FAM120B: variants seen among roughly 807,000 people sequenced by gnomAD.
FAM120B encodes the protein constitutive coactivator of peroxisome proliferator-activated receptor gamma.
Under a neutral mutation model 96.3 loss-of-function variants are expected in FAM120B, and 83 were observed. That is an observed-to-expected ratio of 0.86 (90% confidence interval 0.72 to 1.03). The LOEUF (loss-of-function observed/expected upper bound fraction) is 1.03, where lower values mean the gene tolerates loss of function less well. Ranked by LOEUF, FAM120B falls within the 50% of genes least tolerant of loss-of-function variation. FAM120B has a pLI of 0.00. For missense variants in FAM120B, 1,027 were observed against 1,121.2 expected (o/e 0.92, Z 1.20); for synonymous variants, 407 against 402.7 (o/e 1.01, Z -0.13).
chr6:170,403,333 A>G (rs1359105950), intron 9 of FAM120B, among the ~76,000 whole-genome samples: 1 of 152,116 alleles, frequency 6.6e-6, no homozygotes, highest in Non-Finnish European at 1.5e-5. Context: ...GGGGCAGCAC[A>G]TTTCTCCTGG....
chr6:170,314,792 G>A (rs1229113537), intron 1 of FAM120B, among the ~76,000 whole-genome samples: 1 of 152,204 alleles, frequency 6.6e-6, no homozygotes, highest in Non-Finnish European at 1.5e-5. Context: ...TTAGCACTTT[G>A]AAGATACTGA....
chr6:170,359,752 C>G (rs534976859), intron 6 of FAM120B, among the ~76,000 whole-genome samples: 4 of 152,154 alleles, frequency 2.6e-5, no homozygotes, highest in Non-Finnish European at 5.9e-5. Context: ...ACTTTCAATA[C>G]TAGGTTTCAT....
At chr6:170,372,904 A>G (rs927033718) in intron 6 of FAM120B, among the ~76,000 whole-genome samples, 2 of 152,214 alleles carry the variant, frequency 1.3e-5, no homozygotes, top group Non-Finnish European at 2.9e-5. Flanking sequence ...TTGTTTACTA[A>G]TAAATAACAA....
At chr6:170,361,981 A>G (rs2115206156) in intron 6 of FAM120B, among the ~76,000 whole-genome samples, 1 of 152,086 alleles carries the variant, frequency 6.6e-6, no homozygotes, top group East Asian at 1.9e-4. Flanking sequence ...TTTGGTAGAG[A>G]CAGGGTTTCA....
intron 2 of FAM120B, among the ~76,000 whole-genome samples, chr6:170,321,626 C>T (rs914262618): frequency 5.3e-5 from 8 of 152,104 alleles, no homozygotes; most frequent in Non-Finnish European, 8.8e-5. Context: ...TGATCCACCT[C>T]GACCTCCCAA....
chr6:170,343,133 A>C (rs537282027), intron 4 of FAM120B, among the ~76,000 whole-genome samples: 1 of 152,360 alleles, frequency 6.6e-6, no homozygotes. Flanking sequence ...GAAGTGATCT[A>C]AATGATCCTC....
chr6:170,303,414 A>G (rs559150235), upstream of FAM120B, among the ~76,000 whole-genome samples: 1 of 152,176 alleles, frequency 6.6e-6, no homozygotes, highest in South Asian at 2.1e-4. Context: ...CAATTTTTAA[A>G]AATGTTTTGT....
At chr6:170,315,512 T>C (rs988514676) in intron 1 of FAM120B, among the ~76,000 whole-genome samples, 1 of 152,170 alleles carries the variant, frequency 6.6e-6, no homozygotes, top group Non-Finnish European at 1.5e-5. Flanking sequence ...GAAGCCCAGT[T>C]TCCACTTCAA....
intron 5 of FAM120B, among the ~76,000 whole-genome samples, chr6:170,357,029 A>G (rs959527835): frequency 4.6e-5 from 7 of 152,160 alleles, no homozygotes; most frequent in African/African-American, 1.7e-4. Flanking sequence ...CCAGGGGAGC[A>G]CAGGAGTCTT....
At chr6:170,295,192 C>T (rs896090808), upstream of FAM120B, 2 of 508,784 alleles carry the variant, frequency 3.9e-6, no homozygotes, top group Non-Finnish European at 6.9e-6. The surrounding 1 kb of genome is among the most constrained non-coding windows in gnomAD (Gnocchi z 7.8). Flanking sequence ...TGGTTACTTC[C>T]TTGCTGCTTA....
chr6:170,335,776 G>T (rs929104020), intron 4 of FAM120B, among the ~76,000 whole-genome samples: 28 of 152,256 alleles, frequency 1.8e-4, no homozygotes, highest in African/African-American at 6.7e-4. Context: ...TCTCATTGTG[G>T]TTTTAATTTG....
rs1223474041 is a variant in FAM120B at position 170,406,426 on chromosome 6, A to G, written c.*1675A>G. 6.6e-6 allele frequency: 1 copy of G among 152,198 alleles called. No individual in the cohort carries two copies. Among genetic ancestry groups the G allele is most frequent in the Non-Finnish European group, 1.5e-5 (1 of 68,030 alleles). The allele number at this position is 152,198 out of a possible 1,614,324, so 9.4% of individuals were successfully genotyped here. A position where few individuals can be genotyped will look rare whatever the true frequency, so the allele number is the denominator to read the frequency against. ...CAGTTTGTGTGCCTGCACTTGACGA[A>G]TTACCTTGACCAACGGGCCAAAGGC... On this transcript the variant is annotated 3_prime_UTR_variant, in exon 11 of 11. Coordinates refer to ENST00000476287, the MANE Select transcript of FAM120B (RefSeq NM_032448.3).
At chr6:170,379,365 T>A (rs913121747) in intron 6 of FAM120B, among the ~76,000 whole-genome samples, 1 of 152,206 alleles carries the variant, frequency 6.6e-6, no homozygotes, top group Non-Finnish European at 1.5e-5. Flanking sequence ...CTCAAAACTG[T>A]GATTATTAGA....
chr6:170,318,697 A>G lies in FAM120B; in HGVS notation c.1307A>G (p.Glu436Gly), dbSNP rs767589826. The G allele has an allele frequency of 2.7e-5, 43 of 1,593,762 alleles. No individual in the cohort carries two copies. In the East Asian group the frequency reaches 1.0e-3, roughly 38 times the overall value. Reference sequence around the variant, plus strand: ...TATACAGACTCTGAACCCAGGCAAGAAGTTCCCATGTATACAGACTCTGAA... The same window carrying G: ...TATACAGACTCTGAACCCAGGCAAGGAGTTCCCATGTATACAGACTCTGAA... ...PMYTDSEPRQ[E>G]VPMYTDSEPR... Residue 436 changes from glutamate (E) to glycine (G), a missense_variant, in exon 2 of 11, where the codon GAA becomes GGA. Transcript: ENST00000476287.
chr6:170,357,932 C>T (rs1011682829), intron 5 of FAM120B, among the ~76,000 whole-genome samples: 1 of 152,242 alleles, frequency 6.6e-6, no homozygotes, highest in African/African-American at 2.4e-5. Context: ...AGGTCTGATG[C>T]ACCATGTGTG....
At chr6:170,305,301 A>G (rs1784243937), upstream of FAM120B, among the ~76,000 whole-genome samples, 1 of 152,182 alleles carries the variant, frequency 6.6e-6, no homozygotes, top group Non-Finnish European at 1.5e-5. Flanking sequence ...GTCATTTCAC[A>G]TACTGCTTGG....
At chr6:170,327,750 GTGAA>G (rs200233046) in intron 3 of FAM120B, among the ~76,000 whole-genome samples, 234 of 148,950 alleles carry the variant, frequency 1.6e-3, no homozygotes, top group African/African-American at 5.6e-3. Context: ...GAGTCCATGA[GTGAA>G]TGAAGAGTCA....
intron 5 of FAM120B, among the ~76,000 whole-genome samples, chr6:170,354,925 T>C (rs374076838): frequency 6.6e-6 from 1 of 151,826 alleles, no homozygotes; most frequent in East Asian, 1.9e-4. Context: ...TGAGACTCTA[T>C]CTCAAAAAAA....
intron 4 of FAM120B, among the ~76,000 whole-genome samples, chr6:170,339,313 G>T (rs573617880): frequency 1.3e-5 from 2 of 151,888 alleles, no homozygotes; most frequent in Non-Finnish European, 1.5e-5. Context: ...ATTTGCAGAA[G>T]AATTTTCTTT....
Sources: allele counts gnomAD v4.1 joint callset (sites outside exome capture counted in the v4.1 genomes callset), GRCh38; gene constraint gnomAD v4.1.1; non-coding constraint Gnocchi (gnomAD v3.1); transcripts MANE v1.5; gene names NCBI Gene and HGNC (gene_info 2026-07-23, HGNC 2026-07-21).